Variants in PDE8B observed in about 807,000 individuals in gnomAD.
The protein encoded by PDE8B is phosphodiesterase 8B.
PDE8B carries 26 observed loss-of-function variants against 101.3 expected under a neutral mutation model. That is an observed-to-expected ratio of 0.26 (90% CI 0.19 to 0.36). The LOEUF (loss-of-function observed/expected upper bound fraction) is 0.36, where lower values mean the gene tolerates loss of function less well. Among genes scored for constraint, PDE8B ranks in the 10% least tolerant of loss-of-function variants. PDE8B has a pLI of 1.00. For synonymous variants in PDE8B, 424 were observed against 429.3 expected (o/e 0.99, Z 0.15); for missense variants, 810 against 1,163.1 (o/e 0.70, Z 4.42).
chr5:77,378,456 TAAAAAAAAAAAAAAAAAA>T (rs58121927), intron 10 of PDE8B, among the ~76,000 whole-genome samples: 2,085 of 69,434 alleles, frequency 0.03, 46 homozygotes, highest in Middle Eastern at 0.049. Context: ...AGACTCCATC[TAAAAAAAAAAAAAAAAAA>T]AAAAAAAAAA....
the PDE8B span, among the ~76,000 whole-genome samples, chr5:77,116,235 T>A: frequency 7.2e-5 from 10 of 138,518 alleles, no homozygotes; most frequent in Admixed American, 2.2e-4. Context: ...TTTTTTTTTT[T>A]TTTTTTTTTT....
chr5:77,146,877 T>C, the PDE8B span: 1 of 356,630 alleles, frequency 2.8e-6, no homozygotes, highest in South Asian at 2.8e-5. Context: ...CTTTGGCTGT[T>C]TTCTTGTTCT....
chr5:77,329,555 C>T (rs143648804), intron 4 of PDE8B, among the ~76,000 whole-genome samples: 1 of 152,180 alleles, frequency 6.6e-6, no homozygotes, highest in East Asian at 1.9e-4. Context: ...AGAGTTTATC[C>T]AATGCTGGAA....
chr5:77,122,080 G>T, the PDE8B span, among the ~76,000 whole-genome samples: 1 of 152,206 alleles, frequency 6.6e-6, no homozygotes, highest in Non-Finnish European at 1.5e-5. Flanking sequence ...TCCACCATTT[G>T]CTCTAGATTT....
chr5:77,147,164 T>A, the PDE8B span: 1 of 350,270 alleles, frequency 2.9e-6, no homozygotes, highest in Non-Finnish European at 5.7e-6. Context: ...TGATAATGAG[T>A]AAGTTGGTTC....
chr5:77,242,950 G>A (rs907923948), intron 1 of PDE8B, among the ~76,000 whole-genome samples: 3 of 152,144 alleles, frequency 2.0e-5, no homozygotes, highest in Non-Finnish European at 2.9e-5. Flanking sequence ...ACAGGTGTGA[G>A]CCACTGCGCC....
the PDE8B span, among the ~76,000 whole-genome samples, chr5:77,180,288 G>A: frequency 6.6e-6 from 1 of 152,214 alleles, no homozygotes; most frequent in Non-Finnish European, 1.5e-5. Context: ...AGGCGCGGAG[G>A]CTCAGGCTCG....
chr5:77,324,355 G>A (rs57732794), intron 2 of PDE8B, among the ~76,000 whole-genome samples: 12,099 of 152,150 alleles, frequency 0.08, 627 homozygotes, highest in Non-Finnish European at 0.11. Flanking sequence ...TGGGCATGGG[G>A]GGTACAAGCA....
rs991562440 is a variant in PDE8B, at chr5:77,336,432, C to T, written c.709-795C>T. ...ACAACCACCAGTCTGCATTCTGGCT[C>T]AATCAATTGACCTATTCTAGATATT... On this transcript the variant is annotated intron_variant, in intron 5 of 21. Coordinates refer to ENST00000264917, the MANE Select transcript of PDE8B (RefSeq NM_003719.5). Among the ~76,000 whole-genome samples, 104 of 152,198 alleles carry T rather than the reference C, an allele frequency of 6.8e-4. 1 individual carries two copies. Among genetic ancestry groups the T allele is most frequent in the Non-Finnish European group, 2.9e-4 (20 of 68,034 alleles).
chr5:77,384,934 CT>C (rs555481058), intron 10 of PDE8B, among the ~76,000 whole-genome samples: 1 of 152,058 alleles, frequency 6.6e-6, no homozygotes, highest in African/African-American at 2.4e-5. Context: ...CTGAAATTTT[CT>C]TTTTTTGTTG....
intron 12 of PDE8B, 89 bp downstream of exon 12, chr5:77,404,886 C>T: frequency 1.2e-6 from 1 of 818,404 alleles, no homozygotes; most frequent in Non-Finnish European, 2.1e-6. Context: ...GTATAAACTC[C>T]AAAGAGTAAG....
chr5:77,150,976 C>G, the PDE8B span, among the ~76,000 whole-genome samples: 1 of 152,194 alleles, frequency 6.6e-6, no homozygotes, highest in African/African-American at 2.4e-5. Flanking sequence ...CAGAGACCAG[C>G]AGGTAGACAT....
At chr5:77,318,902 T>G (rs1190838118) in intron 2 of PDE8B, among the ~76,000 whole-genome samples, 2 of 152,232 alleles carry the variant, frequency 1.3e-5, no homozygotes, top group Non-Finnish European at 2.9e-5. Flanking sequence ...AGATACACCC[T>G]CATTTAGAAA....
At chr5:77,235,012 C>A (rs986615168) in intron 1 of PDE8B, among the ~76,000 whole-genome samples, 1 of 152,158 alleles carries the variant, frequency 6.6e-6, no homozygotes, top group African/African-American at 2.4e-5. Flanking sequence ...TCTCTCACCC[C>A]CAACCCATTA....
chr5:77,321,931 C>T (rs140714213), intron 2 of PDE8B, among the ~76,000 whole-genome samples: 67 of 152,180 alleles, frequency 4.4e-4, no homozygotes, highest in African/African-American at 1.5e-3. Flanking sequence ...ATTACAGTTC[C>T]CAGAGCAGGA....
chr5:77,382,081 C>G (rs1320098133), intron 10 of PDE8B, among the ~76,000 whole-genome samples: 1 of 152,180 alleles, frequency 6.6e-6, no homozygotes, highest in Non-Finnish European at 1.5e-5. Context: ...TCCGTATACT[C>G]AGTTGAACAT....
chr5:77,358,564 T>A, intron 10 of PDE8B: 1 of 313,622 alleles, frequency 3.2e-6, no homozygotes, highest in Non-Finnish European at 4.6e-6. Context: ...TTTTACTCCT[T>A]AACACAATAA....
intron 1 of PDE8B, among the ~76,000 whole-genome samples, chr5:77,255,489 G>A (rs1335138547): frequency 6.6e-6 from 1 of 152,166 alleles, no homozygotes; most frequent in African/African-American, 2.4e-5. Flanking sequence ...AGTCTGATGG[G>A]ACAATGGAGC....
the PDE8B span, chr5:77,140,674 G>C: frequency 6.6e-6 from 1 of 152,364 alleles, no homozygotes; most frequent in African/African-American, 2.4e-5. Flanking sequence ...GGGAACTTAT[G>C]TACAGGGATG....
Sources: allele counts gnomAD v4.1 joint callset (sites outside exome capture counted in the v4.1 genomes callset), GRCh38; gene constraint gnomAD v4.1.1; transcripts MANE v1.5; gene names NCBI Gene and HGNC (gene_info 2026-07-23, HGNC 2026-07-21).